The following WDR49 variants were observed in gnomAD, a reference collection of about 807,000 sequenced individuals.
WDR49 encodes the protein cilia- and flagella-associated protein 337.
WDR49 carries 107 observed loss-of-function variants against 119.5 expected under a neutral mutation model. The observed-to-expected ratio is 0.90, with a 90% CI of 0.77 to 1.05. WDR49 has a LOEUF of 1.05. Among genes scored for constraint, WDR49 ranks in the 50% least tolerant of loss-of-function variants. The pLI is 0.00. For missense variants in WDR49, 1,240 were observed against 1,220.5 expected (o/e 1.02, Z -0.24); for synonymous variants, 425 against 418.8 (o/e 1.01, Z -0.18).
At chr3:167,501,759 T>C (rs1475415068) in intron 17 of WDR49, among the ~76,000 whole-genome samples, 1 of 152,206 alleles carries the variant, frequency 6.6e-6, no homozygotes, top group Non-Finnish European at 1.5e-5. Flanking sequence ...TACTGGTCTT[T>C]AATTGTTTTC....
chr3:167,633,395 A>G (rs1199306411), intron 2 of WDR49: 1 of 454,354 alleles, frequency 2.2e-6, no homozygotes, highest in Non-Finnish European at 4.4e-6. Context: ...GAGCCTGGTG[A>G]AAGTAAAGTT....
chr3:167,655,530 G>GA (rs1239578317), upstream of WDR49, among the ~76,000 whole-genome samples: 1 of 151,932 alleles, frequency 6.6e-6, no homozygotes, highest in Non-Finnish European at 1.5e-5. Context: ...ACCCATTATA[G>GA]AAAAAAATGA....
intron 9 of WDR49, among the ~76,000 whole-genome samples, chr3:167,555,470 C>T (rs1712868961): frequency 6.6e-6 from 1 of 152,136 alleles, no homozygotes; most frequent in Non-Finnish European, 1.5e-5. Flanking sequence ...TAATCAGATC[C>T]AAGGAGAGGG....
chr3:167,487,131 C>T (rs1291070704), intron 18 of WDR49, among the ~76,000 whole-genome samples: 1 of 152,040 alleles, frequency 6.6e-6, no homozygotes, highest in East Asian at 1.9e-4. Context: ...TCAAACTATA[C>T]TATAAGGCCA....
At chr3:167,579,928 AG>A (rs939161766) in intron 7 of WDR49, among the ~76,000 whole-genome samples, 1 of 152,126 alleles carries the variant, frequency 6.6e-6, no homozygotes, top group Non-Finnish European at 1.5e-5. Context: ...ATAATAATAT[AG>A]GGTATAGTTG....
At chr3:167,638,321 C>T (rs1374551130) in intron 2 of WDR49, among the ~76,000 whole-genome samples, 1 of 151,484 alleles carries the variant, frequency 6.6e-6, no homozygotes, top group Non-Finnish European at 1.5e-5. Flanking sequence ...GTTTTATCAA[C>T]CACTTCACCA....
intron 17 of WDR49, 66 bp from the exon 18 acceptor site, chr3:167,500,365 A>G (rs1443600969): frequency 6.4e-7 from 1 of 1,556,764 alleles, no homozygotes; most frequent in Admixed American, 2.1e-5. Context: ...AACTCCTTGG[A>G]AAGAGCCAGC....
intron 18 of WDR49, among the ~76,000 whole-genome samples, chr3:167,488,066 T>C (rs1479392165): frequency 6.6e-6 from 1 of 151,690 alleles, no homozygotes; most frequent in Non-Finnish European, 1.5e-5. Context: ...ATCACCATGC[T>C]ATTCACAATA....
chr3:167,495,082 A>T (rs1235929343), intron 18 of WDR49, among the ~76,000 whole-genome samples: 1 of 151,818 alleles, frequency 6.6e-6, no homozygotes, highest in Non-Finnish European at 1.5e-5. Context: ...AGATCTTTTA[A>T]ATTTTCTGTC....
At chr3:167,595,173 A>T (rs1430798401) in intron 7 of WDR49, among the ~76,000 whole-genome samples, 1 of 152,164 alleles carries the variant, frequency 6.6e-6, no homozygotes, top group Non-Finnish European at 1.5e-5. Flanking sequence ...GATGTGAAGG[A>T]CCTCTTCAAG....
Position 167,653,251 on chromosome 3 carries a change from T to A in WDR49, c.165+10A>T. On this transcript the variant is annotated intron_variant, in intron 2 of 18. Transcript: ENST00000682715. ...ACTCAAACTATCTGGTCAATAAGCT[T>A]CACACTTACCTCAAAGGCCTTCTGT... 1 of 1,536,146 alleles carries A rather than the reference T, an allele frequency of 6.5e-7. No individual in the cohort carries two copies. Among genetic ancestry groups the A allele is most frequent in the South Asian group, 1.2e-5 (1 of 84,056 alleles).
At chr3:167,505,740 A>G (rs1476777247) in intron 16 of WDR49, among the ~76,000 whole-genome samples, 2 of 152,212 alleles carry the variant, frequency 1.3e-5, no homozygotes, top group Non-Finnish European at 2.9e-5. Context: ...TCCTTGCCTT[A>G]TTAATAAATT....
At chr3:167,618,549 A>G (rs1716711055) in intron 5 of WDR49, among the ~76,000 whole-genome samples, 1 of 152,204 alleles carries the variant, frequency 6.6e-6, no homozygotes, top group Non-Finnish European at 1.5e-5. Flanking sequence ...ACTGAGAAAT[A>G]TATAATACGA....
intron 7 of WDR49, among the ~76,000 whole-genome samples, chr3:167,584,435 TTGTA>T (rs1714706065): frequency 6.6e-6 from 1 of 152,100 alleles, no homozygotes; most frequent in African/African-American, 2.4e-5. Flanking sequence ...AATGGGACAT[TTGTA>T]CTGATCCTAA....
chr3:167,549,076 T>G (rs1307679289), intron 10 of WDR49, among the ~76,000 whole-genome samples: 2 of 152,232 alleles, frequency 1.3e-5, no homozygotes, highest in Non-Finnish European at 2.9e-5. Context: ...CCACATTTTC[T>G]TAATCCAGTC....
At chr3:167,513,335 C>G (rs1285752783) in intron 16 of WDR49, among the ~76,000 whole-genome samples, 1 of 152,122 alleles carries the variant, frequency 6.6e-6, no homozygotes, top group Non-Finnish European at 1.5e-5. Context: ...AATTTCCAAT[C>G]CAGAATTCCA....
At position 167,542,532 on chromosome 3, in the gene WDR49, A is replaced by G. The variant is rs184844419; in HGVS notation, c.1824-5532T>C. On this transcript the variant is annotated intron_variant, in intron 10 of 18. Transcript: ENST00000682715. ...TGAAAATTAAGTAATCTGCTCCTCAATGATCTTTGGGTCAACAATGAAATC... is the reference window on the plus strand; with the variant it reads ...TGAAAATTAAGTAATCTGCTCCTCAGTGATCTTTGGGTCAACAATGAAATC... 1.4e-3 allele frequency among the ~76,000 whole-genome samples: 205 copies of G among 150,422 alleles called. 4 individuals carry two copies. In the East Asian group the frequency reaches 0.031, roughly 23 times the overall value.
At chr3:167,582,921 C>A (rs1714618374) in intron 7 of WDR49, among the ~76,000 whole-genome samples, 1 of 151,298 alleles carries the variant, frequency 6.6e-6, no homozygotes, top group Non-Finnish European at 1.5e-5. Context: ...CCAGCCTGGG[C>A]AATAGAGCAA....
chr3:167,533,560 T>C (rs7627330), intron 11 of WDR49, among the ~76,000 whole-genome samples: 10,572 of 152,126 alleles, frequency 0.069, 619 homozygotes, highest in African/African-American at 0.17. Flanking sequence ...GGTGGGTGTG[T>C]GTGTCTTCTC....
Sources: allele counts gnomAD v4.1 joint callset (sites outside exome capture counted in the v4.1 genomes callset), GRCh38; gene constraint gnomAD v4.1.1; transcripts MANE v1.5; gene names NCBI Gene and HGNC (gene_info 2026-07-23, HGNC 2026-07-21).